The following RB1 variants were observed in gnomAD, a reference collection of about 807,000 sequenced individuals.
RB1 encodes RB transcriptional corepressor 1.
RB1 carries 18 observed loss-of-function variants against 135.4 expected under a neutral mutation model. That is an observed-to-expected ratio of 0.13 (90% confidence interval 0.09 to 0.20). The LOEUF (loss-of-function observed/expected upper bound fraction) is 0.20, where lower values mean the gene tolerates loss of function less well. Ranked by LOEUF, RB1 falls within the 10% of genes least tolerant of loss-of-function variation. RB1 has a pLI of 1.00. For synonymous variants in RB1, 365 were observed against 373.2 expected, an observed-to-expected ratio of 0.98 and a Z score of 0.25; for missense variants, 868 against 1,110.0, an observed-to-expected ratio of 0.78 and a Z score of 3.10.
chr13:48,320,837 G>GAAA (rs531135502), intron 2 of RB1, among the ~76,000 whole-genome samples: 1 of 108,970 alleles, frequency 9.2e-6, no homozygotes, highest in Non-Finnish European at 2.0e-5. Flanking sequence ...TCTCAAAAAA[G>GAAA]AAAAAAAAAA....
intron 17 of RB1, among the ~76,000 whole-genome samples, chr13:48,452,505 A>G (rs1949334092): frequency 6.6e-6 from 1 of 151,952 alleles, no homozygotes; most frequent in Non-Finnish European, 1.5e-5. Flanking sequence ...ATAATTCCCT[A>G]TTATCTTTTT....
chr13:48,400,864 C>T (rs140167808), intron 17 of RB1, among the ~76,000 whole-genome samples: 55 of 152,142 alleles, frequency 3.6e-4, no homozygotes, highest in African/African-American at 1.3e-3. Flanking sequence ...AACAGAGAAC[C>T]GAGGATTCAG....
chr13:48,338,558 G>C (rs1464475565), intron 2 of RB1, among the ~76,000 whole-genome samples: 8 of 152,126 alleles, frequency 5.3e-5, no homozygotes. Flanking sequence ...CTCTACACTG[G>C]TTATTCTAGT....
chr13:48,426,975 A>T (rs996950308), intron 17 of RB1: 3 of 152,504 alleles, frequency 2.0e-5, no homozygotes, highest in Admixed American at 6.5e-5. Context: ...TCACGTGGTG[A>T]CAATAGGAGC....
chr13:48,471,845 T>C (rs1949472895), intron 23 of RB1, among the ~76,000 whole-genome samples: 1 of 152,200 alleles, frequency 6.6e-6, no homozygotes, highest in African/African-American at 2.4e-5. Context: ...AAATGTAGAT[T>C]ACTGTCAATT....
chr13:48,303,815 G>C lies in RB1; in HGVS notation c.-98G>C, dbSNP rs925207403. On this transcript the variant is annotated 5_prime_UTR_variant, in exon 1 of 27. Transcript: ENST00000267163. ...GGGACGTTGAAATTATTTTTGTAAC[G>C]GGAGTCGGGAGAGGACGGGGCGTGC... 3 of 1,441,934 alleles carry C rather than the reference G, an allele frequency of 2.1e-6. No homozygotes were observed. The highest frequency in any genetic ancestry group is 3.0e-5 in the African/African-American group (2 of 67,128). 89.3% of individuals were successfully genotyped at this position (1,441,934 alleles called of 1,614,324 possible). A position where few individuals can be genotyped will look rare whatever the true frequency, so the allele number is the denominator to read the frequency against.
intron 17 of RB1, among the ~76,000 whole-genome samples, chr13:48,383,806 A>G (rs1948553857): frequency 6.6e-6 from 1 of 152,142 alleles, no homozygotes; most frequent in Admixed American, 6.6e-5. Flanking sequence ...AAATAAGCAC[A>G]TAGAGTACTT....
At chr13:48,333,905 T>C (rs575792709) in intron 2 of RB1, among the ~76,000 whole-genome samples, 5 of 152,070 alleles carry the variant, frequency 3.3e-5, no homozygotes, top group Admixed American at 6.6e-5. Context: ...ATATTCATAG[T>C]TGAGATAGGG....
intron 23 of RB1, among the ~76,000 whole-genome samples, 184 bp from the exon 24 acceptor site, chr13:48,473,176 G>C (rs190178026): frequency 1.3e-5 from 2 of 152,266 alleles, no homozygotes; most frequent in East Asian, 3.9e-4. Context: ...GACTAGGTGA[G>C]TATATGATTA....
At chr13:48,369,116 T>G (rs902060210) in intron 11 of RB1, among the ~76,000 whole-genome samples, 2 of 152,198 alleles carry the variant, frequency 1.3e-5, no homozygotes, top group African/African-American at 4.8e-5. Flanking sequence ...TAACCTAAAA[T>G]AGGAATGTGT....
In RB1 at chr13:48,303,834, GGCGTGCCCCGACGTGC is replaced by G. The variant is rs1257252875; in HGVS notation, c.-75_-60del. The G allele has an allele frequency of 2.0e-6, 3 of 1,490,768 alleles. No homozygotes were observed. Among genetic ancestry groups the G allele is most frequent in the Admixed American group, 2.2e-5 (1 of 45,562 alleles). The allele number at this position is 1,490,768 out of a possible 1,614,324, so 92.3% of individuals were successfully genotyped here. A position where few individuals can be genotyped will look rare whatever the true frequency, so the allele number is the denominator to read the frequency against. On this transcript the variant is annotated 5_prime_UTR_variant, in exon 1 of 27. Transcript: ENST00000267163. ...TGTAACGGGAGTCGGGAGAGGACGG[GGCGTGCCCCGACGTGC>G]GCGCGCGTCGTCCTCCCCGGCGCTC...
At chr13:48,358,173 G>T (rs552750915) in intron 6 of RB1, among the ~76,000 whole-genome samples, 27 of 152,214 alleles carry the variant, frequency 1.8e-4, no homozygotes, top group Non-Finnish European at 2.8e-4. Flanking sequence ...AGTTCTTAGT[G>T]CAAGCACTCA....
rs11332935 is a variant in RB1, at chr13:48,363,204, G to GTT, written c.861+261_861+262dup. Among the ~76,000 whole-genome samples, 67 of 141,748 alleles carry GTT rather than the reference G, an allele frequency of 4.7e-4. 1 individual carries two copies. The highest frequency in any genetic ancestry group is 1.4e-3 in the African/African-American group (51 of 37,760). 93.0% of individuals were successfully genotyped at this position (141,748 alleles called of 152,430 possible). A position where few individuals can be genotyped will look rare whatever the true frequency, so the allele number is the denominator to read the frequency against. On this transcript the variant is annotated intron_variant, in intron 8 of 26. Transcript: ENST00000267163. ...ATCAAGACAATAGTTTTCAAATGTA[G>GTT]TTTTTTTTTTTTTTTATTCCTCTGA...
At chr13:48,410,430 A>G in intron 17 of RB1, among the ~76,000 whole-genome samples, 1 of 152,182 alleles carries the variant, frequency 6.6e-6, no homozygotes, top group Non-Finnish European at 1.5e-5. Context: ...GTAAGTACAC[A>G]CTGTGATGTT....
At chr13:48,379,526 A>AT in intron 13 of RB1, 68 bp from the exon 14 acceptor site, 1 of 1,558,442 alleles carries the variant, frequency 6.4e-7, no homozygotes, top group Non-Finnish European at 8.7e-7. Context: ...TCTCAAAAAA[A>AT]AAAAAAATTT....
chr13:48,362,200 C>G (rs894649941), intron 7 of RB1, among the ~76,000 whole-genome samples: 5 of 152,006 alleles, frequency 3.3e-5, no homozygotes, highest in Non-Finnish European at 7.4e-5. Flanking sequence ...CCTGCCTTGG[C>G]CTCCCAAAGT....
chr13:48,464,958 C>G, intron 21 of RB1, 40 bp from the exon 22 acceptor site: 1 of 831,616 alleles, frequency 1.2e-6, no homozygotes, highest in Non-Finnish European at 1.6e-6. Context: ...GTAAATTTTA[C>G]TTTTTTTTTT....
intron 17 of RB1, chr13:48,411,795 GT>G (rs756937301): frequency 6.2e-7 from 1 of 1,612,786 alleles, no homozygotes; most frequent in Non-Finnish European, 8.5e-7. Context: ...TTTGGTTAAA[GT>G]TTTTAGCACC....
chr13:48,340,223 A>C (rs1480975303), intron 2 of RB1, among the ~76,000 whole-genome samples: 1 of 152,192 alleles, frequency 6.6e-6, no homozygotes, highest in Non-Finnish European at 1.5e-5. Context: ...GGGTTAGGCA[A>C]AGATTTCATA....
Sources: gnomAD v4.1 joint callset for allele counts (sites outside exome capture counted in the v4.1 genomes callset) on GRCh38, gnomAD v4.1.1 for gene constraint, MANE v1.5 for transcripts, NCBI Gene and HGNC (gene_info 2026-07-23, HGNC 2026-07-21) for gene names.